ALG6: variants seen among roughly 807,000 people sequenced by gnomAD.
ALG6 encodes the protein dolichyl pyrophosphate Man9GlcNAc2 alpha-1,3-glucosyltransferase.
Under a neutral mutation model 66.6 loss-of-function variants are expected in ALG6, and 46 were observed. The ratio of observed to expected loss-of-function variants is 0.69; its 90% CI spans 0.55 to 0.88. ALG6 has a LOEUF of 0.88. Ranked by LOEUF, ALG6 falls within the 40% of genes least tolerant of loss-of-function variation. The pLI, the probability that ALG6 is intolerant of heterozygous loss-of-function variation, is 0.00. For missense variants in ALG6, 505 were observed against 586.8 expected (o/e 0.86, Z 1.44); for synonymous variants, 185 against 203.7 (o/e 0.91, Z 0.78).
chr1:63,430,165 G>A (rs371309368), intron 14 of ALG6, among the ~76,000 whole-genome samples: 3 of 152,312 alleles, frequency 2.0e-5, no homozygotes, highest in Admixed American at 6.5e-5. Context: ...ACAGGCATGA[G>A]CCACTGCGCC....
intron 3 of ALG6, among the ~76,000 whole-genome samples, chr1:63,398,406 G>A (rs1427826550): frequency 2.0e-5 from 3 of 152,158 alleles, no homozygotes; most frequent in African/African-American, 4.8e-5. Flanking sequence ...TAGTAATACC[G>A]GACTTTTAAA....
At chr1:63,409,226 T>C (rs910998741) in intron 7 of ALG6, among the ~76,000 whole-genome samples, 1 of 152,264 alleles carries the variant, frequency 6.6e-6, no homozygotes, top group African/African-American at 2.4e-5. Flanking sequence ...ACACTAAGCA[T>C]TATATAGGCA....
chr1:63,406,105 T>C (rs1644488780), intron 5 of ALG6, among the ~76,000 whole-genome samples: 1 of 152,102 alleles, frequency 6.6e-6, no homozygotes, highest in South Asian at 2.1e-4. Flanking sequence ...GTGAATTTGT[T>C]AGAGAAAATT....
chr1:63,375,502 C>T (rs755785892), intron 2 of ALG6, among the ~76,000 whole-genome samples: 17 of 150,988 alleles, frequency 1.1e-4, no homozygotes, highest in Admixed American at 2.0e-4. Flanking sequence ...TTAGGTGATC[C>T]GCCCTCCTTG....
At chr1:63,399,765 T>A (rs938495730) in intron 3 of ALG6, among the ~76,000 whole-genome samples, 2 of 152,220 alleles carry the variant, frequency 1.3e-5, no homozygotes, top group African/African-American at 4.8e-5. Flanking sequence ...GGTAACACTC[T>A]TGAATGTAAT....
chr1:63,407,866 G>A (rs1220357576), intron 7 of ALG6, among the ~76,000 whole-genome samples: 1 of 152,020 alleles, frequency 6.6e-6, no homozygotes, highest in Non-Finnish European at 1.5e-5. Flanking sequence ...CAAGTCTGTA[G>A]TTGTTTTTAT....
chr1:63,426,366 A>G (rs931072361), intron 12 of ALG6, among the ~76,000 whole-genome samples: 1 of 152,206 alleles, frequency 6.6e-6, no homozygotes, highest in African/African-American at 2.4e-5. Flanking sequence ...GGCAGAGGGC[A>G]GTACTGTCCT....
At position 63,415,938 on chromosome 1, in the gene ALG6, A is replaced by C. The variant is rs1241053289; in HGVS notation, c.968A>C (p.Lys323Thr). Residue 323 changes from lysine (K) to threonine (T), a missense_variant, in exon 11 of 15, where the codon AAA becomes ACA. Coordinates refer to ENST00000263440, the MANE Select transcript of ALG6 (RefSeq NM_013339.4). Reference sequence around the variant, plus strand: ...AAATTAATACTTCAGCCCTCTTCCAAAGGATTCAAATTTACACTGGTAAGT... The same window carrying C: ...AAATTAATACTTCAGCCCTCTTCCACAGGATTCAAATTTACACTGGTAAGT... ...CIKLILQPSS[K>T]GFKFTLVSCA... 1 of 1,610,960 alleles carries C rather than the reference A, an allele frequency of 6.2e-7. No individual in the cohort carries two copies. The highest frequency in any genetic ancestry group is 1.3e-5 in the African/African-American group (1 of 74,824).
chr1:63,374,434 C>T lies in ALG6; in HGVS notation c.82+3375C>T, dbSNP rs183752187. Among the ~76,000 whole-genome samples the T allele has an allele frequency of 1.3e-3, 196 of 152,214 alleles. 1 individual carries two copies. The highest frequency in any genetic ancestry group is 4.4e-3 in the African/African-American group (183 of 41,534). On this transcript the variant is annotated intron_variant, in intron 2 of 14. Coordinates refer to ENST00000263440, the MANE Select transcript of ALG6 (RefSeq NM_013339.4). ...CATGAGGTCAGGAGTTCGAGACCAG[C>T]GTGGCCAACACAGTGAAACCCCGTC...
chr1:63,420,156 T>G (rs1475822069), intron 12 of ALG6, among the ~76,000 whole-genome samples: 1 of 152,174 alleles, frequency 6.6e-6, no homozygotes, highest in Non-Finnish European at 1.5e-5. Flanking sequence ...GGTGGAGCTT[T>G]GGACTAAAAC....
chr1:63,385,749 T>C (rs12060985), intron 2 of ALG6, among the ~76,000 whole-genome samples: 6,104 of 152,322 alleles, frequency 0.04, 399 homozygotes, highest in African/African-American at 0.14. Context: ...AATATAAAAT[T>C]ATATCATCTG....
At chr1:63,382,484 A>T (rs1034372366) in intron 2 of ALG6, among the ~76,000 whole-genome samples, 1 of 149,858 alleles carries the variant, frequency 6.7e-6, no homozygotes, top group Admixed American at 6.7e-5. Context: ...ATTATTTATT[A>T]TTTTTTTGAG....
intron 12 of ALG6, among the ~76,000 whole-genome samples, chr1:63,425,721 A>G (rs4430364): frequency 0.23 from 34,560 of 152,074 alleles, 4,845 homozygotes; most frequent in African/African-American, 0.39. Context: ...TGGAGAGTTG[A>G]GTATTTCCAG....
At chr1:63,375,133 G>A (rs1307246247) in intron 2 of ALG6, among the ~76,000 whole-genome samples, 1 of 151,992 alleles carries the variant, frequency 6.6e-6, no homozygotes, top group Admixed American at 6.5e-5. Flanking sequence ...CCCGGGAGGC[G>A]GAGGTTGCAG....
intron 4 of ALG6, 67 bp from the exon 5 acceptor site, chr1:63,404,386 C>T: frequency 3.2e-6 from 4 of 1,235,560 alleles, no homozygotes. Context: ...ATTCATATAT[C>T]CTTCAATATC....
At chr1:63,371,863 A>G (rs756143211) in intron 2 of ALG6, among the ~76,000 whole-genome samples, 1 of 151,944 alleles carries the variant, frequency 6.6e-6, no homozygotes, top group Non-Finnish European at 1.5e-5. Flanking sequence ...TCGGCCTCCC[A>G]AAGTGCTGGG....
At chr1:63,405,285 C>G (rs540534206) in intron 5 of ALG6, among the ~76,000 whole-genome samples, 1 of 152,258 alleles carries the variant, frequency 6.6e-6, no homozygotes, top group East Asian at 1.9e-4. Context: ...CACATACACA[C>G]CATGTGATTA....
chr1:63,392,761 G>T (rs1416022407), intron 2 of ALG6, among the ~76,000 whole-genome samples: 1 of 152,166 alleles, frequency 6.6e-6, no homozygotes, highest in Non-Finnish European at 1.5e-5. Context: ...TAAGCACTGT[G>T]GAAGGAATCG....
chr1:63,371,862 C>T (rs1407206076), intron 2 of ALG6, among the ~76,000 whole-genome samples: 1 of 151,964 alleles, frequency 6.6e-6, no homozygotes, highest in Non-Finnish European at 1.5e-5. Flanking sequence ...CTCGGCCTCC[C>T]AAAGTGCTGG....
Sources: allele counts gnomAD v4.1 joint callset (sites outside exome capture counted in the v4.1 genomes callset), GRCh38; gene constraint gnomAD v4.1.1; transcripts MANE v1.5; gene names NCBI Gene and HGNC (gene_info 2026-07-23, HGNC 2026-07-21).